NUMB: variants seen among roughly 807,000 people sequenced by gnomAD.
NUMB encodes the protein NUMB endocytic adaptor protein, also known as protein numb homolog.
A neutral mutation model predicts 59.7 loss-of-function variants in NUMB; 29 were observed. The observed-to-expected ratio is 0.49, with a 90% CI of 0.36 to 0.66. The LOEUF is 0.66. Ranked by LOEUF, NUMB falls within the 30% of genes least tolerant of loss-of-function variation. NUMB has a pLI of 0.00. For synonymous variants in NUMB, 288 were observed against 288.2 expected (o/e 1.00, Z 0.01); for missense variants, 723 against 822.0 (o/e 0.88, Z 1.47).
At chr14:73,429,821 T>C (rs1897747528) in intron 1 of NUMB, among the ~76,000 whole-genome samples, 2 of 151,882 alleles carry the variant, frequency 1.3e-5, no homozygotes. Context: ...CACATGCCTG[T>C]AATCCCAGCT....
intron 2 of NUMB, among the ~76,000 whole-genome samples, chr14:73,385,626 C>T (rs957071718): frequency 1.3e-4 from 20 of 151,080 alleles, no homozygotes; most frequent in South Asian, 8.4e-4. Context: ...CTCAGTCACC[C>T]GAGTAGCTGG....
intron 2 of NUMB, among the ~76,000 whole-genome samples, chr14:73,404,461 G>T (rs968710512): frequency 7.9e-5 from 12 of 151,924 alleles, no homozygotes; most frequent in African/African-American, 2.7e-4. Context: ...AGTATTTAGA[G>T]GTAAATTATG....
intron 1 of NUMB, among the ~76,000 whole-genome samples, chr14:73,456,512 A>C (rs779493923): frequency 5.8e-4 from 89 of 152,274 alleles, no homozygotes; most frequent in Admixed American, 4.6e-3. Flanking sequence ...ATGTAGGAGA[A>C]AAGTTTCCCA....
rs2140118329 is a variant in NUMB at position 73,401,902 on chromosome 14, C to G, written c.-101+8035G>C. Among the ~76,000 whole-genome samples the G allele has an allele frequency of 2.0e-5, 3 of 152,242 alleles. No individual in the cohort carries two copies. In the South Asian group the frequency reaches 6.2e-4, roughly 32 times the overall value. On this transcript the variant is annotated intron_variant, in intron 2 of 12. Coordinates refer to ENST00000555238, the MANE Select transcript of NUMB (RefSeq NM_001005743.2). ...TTTTTGAGACAGGGTCTCTGTCACCCAGGCTGGAGAGCAGTGGGGTACAAT... is the reference window on the plus strand; with the variant it reads ...TTTTTGAGACAGGGTCTCTGTCACCGAGGCTGGAGAGCAGTGGGGTACAAT...
Position 73,287,172 on chromosome 14 carries a change from G to A in NUMB, c.593C>T (p.Thr198Ile). Residue 198 changes from threonine to isoleucine, a missense_variant, in exon 9 of 13, where the codon ACA (threonine) becomes ATA (isoleucine). Coordinates refer to ENST00000555238, the MANE Select transcript of NUMB (RefSeq NM_001005743.2). ...TCTTTCTGCTTGTTCAGTGGCTGTT[G>A]TGACACGGAATGATCCTTCTCTTGT... ...TFTREGSFRV[T>I]TATEQAEREE... The A allele has an allele frequency of 6.2e-7, 1 of 1,613,804 alleles. No homozygotes were observed. Among genetic ancestry groups the A allele is most frequent in the Non-Finnish European group, 8.5e-7 (1 of 1,179,976 alleles).
At chr14:73,405,257 A>G (rs1375965261) in intron 2 of NUMB, among the ~76,000 whole-genome samples, 5 of 151,802 alleles carry the variant, frequency 3.3e-5, no homozygotes, top group African/African-American at 9.7e-5. Context: ...TGAGTTTATC[A>G]TTTTTTTCCT....
intron 8 of NUMB, among the ~76,000 whole-genome samples, chr14:73,288,171 T>C (rs1006775416): frequency 6.6e-5 from 10 of 152,196 alleles, no homozygotes; most frequent in African/African-American, 2.4e-5. Flanking sequence ...CCCAGCACTT[T>C]GGGAGGCTGA....
chr14:73,384,743 T>C (rs1018130077), intron 2 of NUMB, among the ~76,000 whole-genome samples: 6 of 151,538 alleles, frequency 4.0e-5, no homozygotes, highest in Admixed American at 3.3e-4. Flanking sequence ...TTTTTGTTTG[T>C]TTGTTTGTTT....
intron 2 of NUMB, among the ~76,000 whole-genome samples, chr14:73,388,397 T>C (rs558997137): frequency 9.8e-5 from 15 of 152,330 alleles, no homozygotes; most frequent in African/African-American, 3.6e-4. Flanking sequence ...TGGGGAAATA[T>C]TTTTTAATTT....
chr14:73,299,807 T>G (rs1302308362), intron 6 of NUMB, among the ~76,000 whole-genome samples: 1 of 152,064 alleles, frequency 6.6e-6, no homozygotes, highest in Non-Finnish European at 1.5e-5. Flanking sequence ...AGGCAGAGCA[T>G]CAAGGGAAGT....
At chr14:73,302,082 CAAAAATAAAA>C (rs1890168341) in intron 6 of NUMB, among the ~76,000 whole-genome samples, 1 of 150,494 alleles carries the variant, frequency 6.6e-6, no homozygotes, top group Non-Finnish European at 1.5e-5. Context: ...GACTCCATCT[CAAAAATAAAA>C]AAAAATAAAA....
chr14:73,399,994 G>C (rs529369416), intron 2 of NUMB, among the ~76,000 whole-genome samples: 2 of 151,542 alleles, frequency 1.3e-5, no homozygotes, highest in African/African-American at 4.8e-5. Flanking sequence ...AGCTGAGATC[G>C]TGCCACTGCA....
chr14:73,397,049 G>A (rs1047617758), intron 2 of NUMB, among the ~76,000 whole-genome samples: 1 of 152,080 alleles, frequency 6.6e-6, no homozygotes, highest in African/African-American at 2.4e-5. Flanking sequence ...ACTTGAACCC[G>A]GGAGGCAGAG....
In NUMB at chr14:73,277,184, G is replaced by A. The variant is rs762226770; in HGVS notation, c.1350C>T (p.Ser450=). 13 of 1,614,002 alleles carry A rather than the reference G, an allele frequency of 8.1e-6. No homozygotes were observed. In the Admixed American group the frequency reaches 1.0e-4, roughly 12 times the overall value. The part of the protein sequence containing the change: ...ADRWLEEVSK[S]VRAQQPQASA... ...AGGCCTGGGGCTGCTGAGCCCGGAC[G>A]CTCTTAGACACCTCTTCTAACCATC... The change falls in exon 13 of 13, where the codon AGC becomes AGT. Residue 450 remains serine (S), a synonymous_variant. Coordinates refer to ENST00000555238, the MANE Select transcript of NUMB (RefSeq NM_001005743.2).
intron 2 of NUMB, among the ~76,000 whole-genome samples, chr14:73,375,900 A>T (rs1037422667): frequency 6.6e-5 from 10 of 152,208 alleles, no homozygotes; most frequent in African/African-American, 2.4e-4. Context: ...GAACACAAAG[A>T]TTCTTCCTCA....
intron 7 of NUMB, 47 bp from the exon 8 acceptor site, chr14:73,292,921 T>C (rs759774783): frequency 1.2e-5 from 19 of 1,594,026 alleles, no homozygotes; most frequent in Non-Finnish European, 1.6e-5. Context: ...TGAGGTTATC[T>C]GAGCTTCTCA....
At chr14:73,431,724 G>A (rs1480346809) in intron 1 of NUMB, among the ~76,000 whole-genome samples, 1 of 151,922 alleles carries the variant, frequency 6.6e-6, no homozygotes, top group Non-Finnish European at 1.5e-5. Flanking sequence ...ACTCCAGCCT[G>A]AGCAACAGAG....
At chr14:73,415,080 T>C (rs995918064) in intron 1 of NUMB, among the ~76,000 whole-genome samples, 4 of 152,220 alleles carry the variant, frequency 2.6e-5, no homozygotes, top group Non-Finnish European at 5.9e-5. Flanking sequence ...TCATTACCAA[T>C]AGATGCTCTA....
chr14:73,378,465 C>T (rs1895077807), intron 2 of NUMB, among the ~76,000 whole-genome samples: 1 of 152,188 alleles, frequency 6.6e-6, no homozygotes, highest in South Asian at 2.1e-4. Context: ...TTCACAACAG[C>T]TTTATTCATA....
Sources: allele counts gnomAD v4.1 joint callset (sites outside exome capture counted in the v4.1 genomes callset), GRCh38; gene constraint gnomAD v4.1.1; transcripts MANE v1.5; gene names NCBI Gene and HGNC (gene_info 2026-07-23, HGNC 2026-07-21).